The following RSF1 variants were observed in gnomAD, a reference collection of about 807,000 sequenced individuals.
RSF1 encodes the protein HBV pX-associated protein 8.
A neutral mutation model predicts 145.2 loss-of-function variants in RSF1; 13 were observed. The ratio of observed to expected loss-of-function variants is 0.09; its 90% confidence interval spans 0.06 to 0.14. RSF1 has a LOEUF of 0.14. Ranked by LOEUF, RSF1 falls within the 10% of genes least tolerant of loss-of-function variation. The pLI, the probability that RSF1 is intolerant of heterozygous loss-of-function variation, is 1.00. For missense variants in RSF1, 1,517 were observed against 1,718.2 expected (o/e 0.88, Z 2.07); for synonymous variants, 577 against 592.6 (o/e 0.97, Z 0.38).
At chr11:77,725,431 A>G in intron 5 of RSF1, 114 bp downstream of exon 5, 1 of 876,274 alleles carries the variant, frequency 1.1e-6, no homozygotes, top group Non-Finnish European at 1.5e-6. Context: ...CTTTTATAAG[A>G]AGGCTCCCAA....
At chr11:77,680,439 CA>C (rs1046932995) in intron 11 of RSF1, among the ~76,000 whole-genome samples, 1 of 150,808 alleles carries the variant, frequency 6.6e-6, no homozygotes, top group African/African-American at 2.4e-5. Flanking sequence ...AATCCTGTCT[CA>C]AAAAAAGAAA....
At chr11:77,685,845 T>A (rs775146375) in intron 9 of RSF1, among the ~76,000 whole-genome samples, 15 of 152,156 alleles carry the variant, frequency 9.9e-5, no homozygotes, top group Non-Finnish European at 2.2e-4. Context: ...TAGTAATATT[T>A]TGGGTGTATG....
At chr11:77,768,681 C>T (rs1458419317) in intron 1 of RSF1, among the ~76,000 whole-genome samples, 3 of 152,238 alleles carry the variant, frequency 2.0e-5, no homozygotes, top group South Asian at 2.1e-4. Flanking sequence ...TATAACCCAA[C>T]TGAATTAATA....
At chr11:77,695,313 G>A (rs1299568153) in intron 7 of RSF1, among the ~76,000 whole-genome samples, 2 of 151,948 alleles carry the variant, frequency 1.3e-5, no homozygotes, top group African/African-American at 4.8e-5. Flanking sequence ...TGCTTGCAAC[G>A]ATTGTTACTG....
At chr11:77,803,475 C>A (rs1448504849) in intron 1 of RSF1, among the ~76,000 whole-genome samples, 1 of 148,042 alleles carries the variant, frequency 6.8e-6, no homozygotes, top group Non-Finnish European at 1.5e-5. Flanking sequence ...AAAACAAATA[C>A]CCTAATAAAA....
chr11:77,741,895 A>G (rs1003254695), intron 3 of RSF1, among the ~76,000 whole-genome samples: 2 of 152,160 alleles, frequency 1.3e-5, no homozygotes, highest in Non-Finnish European at 2.9e-5. Flanking sequence ...CTGTGATTCT[A>G]TGAGTCTGAC....
At chr11:77,752,361 G>A (rs1206977861) in intron 2 of RSF1, among the ~76,000 whole-genome samples, 1 of 152,182 alleles carries the variant, frequency 6.6e-6, no homozygotes, top group East Asian at 1.9e-4. Context: ...ACATGGCACA[G>A]CTCAGGCTGA....
At chr11:77,801,263 T>C (rs1334693214) in intron 1 of RSF1, among the ~76,000 whole-genome samples, 1 of 152,134 alleles carries the variant, frequency 6.6e-6, no homozygotes, top group Non-Finnish European at 1.5e-5. Flanking sequence ...ACCCCAACTC[T>C]ACTAAAGATA....
chr11:77,780,977 CT>C (rs1281741896), intron 1 of RSF1, among the ~76,000 whole-genome samples: 1 of 152,124 alleles, frequency 6.6e-6, no homozygotes, highest in Admixed American at 6.5e-5. Context: ...AATACGAACT[CT>C]TTTTGTCTGG....
the RSF1 span, among the ~76,000 whole-genome samples, chr11:77,867,758 A>G: frequency 6.6e-6 from 1 of 152,232 alleles, no homozygotes; most frequent in Non-Finnish European, 1.5e-5. Context: ...AGAAGCTACC[A>G]TCCTTTAATG....
chr11:77,752,475 T>C (rs1948073473), intron 2 of RSF1, among the ~76,000 whole-genome samples: 1 of 152,170 alleles, frequency 6.6e-6, no homozygotes, highest in Non-Finnish European at 1.5e-5. Context: ...CCGCCCTATG[T>C]AGATTAGACA....
chr11:77,797,264 T>A (rs1211627120), intron 1 of RSF1, among the ~76,000 whole-genome samples: 1 of 152,158 alleles, frequency 6.6e-6, no homozygotes, highest in Admixed American at 6.5e-5. Context: ...CTAACTATAC[T>A]ACAAGGCTAG....
At chr11:77,769,863 A>T (rs921076259) in intron 1 of RSF1, among the ~76,000 whole-genome samples, 1 of 152,244 alleles carries the variant, frequency 6.6e-6, no homozygotes, top group Non-Finnish European at 1.5e-5. Context: ...GCAGAGATAC[A>T]GTTATGGAAA....
At chr11:77,850,976 G>A in the RSF1 span, 2 of 87,958 alleles carry the variant, frequency 2.3e-5, no homozygotes, top group Non-Finnish European at 4.5e-5. Context: ...TTTTTTTTGA[G>A]ATGGAGTCTC....
chr11:77,747,064 C>T lies in RSF1; in HGVS notation c.344G>A (p.Ser115Asn), dbSNP rs1948009626. ...TAAGAGTGCTAGTTTGCATTCAACACTCATTTCAAGATAGCCCTTCTTCTC... is the reference window on the plus strand; with the variant it reads ...TAAGAGTGCTAGTTTGCATTCAACATTCATTTCAAGATAGCCCTTCTTCTC... ...EMEKKGYLEM[S>N]VECKLALLKY... The change falls in exon 3 of 16, where the codon AGT becomes AAT. Residue 115 changes from serine (S) to asparagine (N), a missense_variant. Transcript: ENST00000308488. 1.9e-6 allele frequency: 3 copies of T among 1,608,204 alleles called. No individual in the cohort carries two copies. The highest frequency in any genetic ancestry group is 2.2e-5 in the East Asian group (1 of 44,754).
Position 77,701,497 on chromosome 11 carries a change from G to A in RSF1, c.1732C>T (p.Arg578Cys), listed in dbSNP as rs150382224. The change falls in exon 6 of 16, where the codon CGC becomes TGC. Residue 578 changes from arginine to cysteine, a missense_variant. Transcript: ENST00000308488. ...EKSPKTKKDKRPPILECLEKL... is the reference protein window; with the variant it reads ...EKSPKTKKDKCPPILECLEKL... ...TCAAGACATTCTAGGATTGGTGGGC[G>A]CTTATCCTTCTTAGTTTTGGGAGAC... 6.4e-4 allele frequency: 1,025 copies of A among 1,613,960 alleles called. 10 individuals are homozygous for A. The highest frequency in any genetic ancestry group is 1.6e-4 in the Middle Eastern group (1 of 6,062).
At chr11:77,754,698 C>T (rs1237604304) in intron 2 of RSF1, among the ~76,000 whole-genome samples, 1 of 151,910 alleles carries the variant, frequency 6.6e-6, no homozygotes, top group Non-Finnish European at 1.5e-5. Context: ...GAGCTGAGGT[C>T]ACACCACTGC....
chr11:77,679,492 G>A (rs1010621144), intron 11 of RSF1, among the ~76,000 whole-genome samples: 3 of 152,048 alleles, frequency 2.0e-5, no homozygotes, highest in African/African-American at 7.2e-5. Context: ...GGGCAACATG[G>A]TGAACCCCTG....
chr11:77,795,489 C>T (rs150745495), intron 1 of RSF1, among the ~76,000 whole-genome samples: 345 of 152,220 alleles, frequency 2.3e-3, no homozygotes, highest in African/African-American at 7.5e-3. Context: ...GCTACAGTAA[C>T]CAAAACATTT....
Sources: gnomAD v4.1 joint callset for allele counts (sites outside exome capture counted in the v4.1 genomes callset) on GRCh38, gnomAD v4.1.1 for gene constraint, MANE v1.5 for transcripts, NCBI Gene and HGNC (gene_info 2026-07-23, HGNC 2026-07-21) for gene names.